The following SREBF2 variants were observed in gnomAD, a reference collection of about 807,000 sequenced individuals.
SREBF2 encodes sterol regulatory element-binding protein 2.
A neutral mutation model predicts 113.1 loss-of-function variants in SREBF2; 55 were observed. The ratio of observed to expected loss-of-function variants is 0.49; its 90% CI spans 0.39 to 0.61. The LOEUF is 0.61. SREBF2 is among the 20% of genes least tolerant of loss of function. The pLI is 0.00. For missense variants in SREBF2, 1,349 were observed against 1,487.4 expected (o/e 0.91, Z 1.53); for synonymous variants, 593 against 605.7 (o/e 0.98, Z 0.31).
intron 1 of SREBF2, among the ~76,000 whole-genome samples, chr22:41,856,928 G>A (rs778352927): frequency 3.3e-5 from 5 of 152,002 alleles, no homozygotes; most frequent in Non-Finnish European, 7.4e-5. Context: ...TTAGCTGGGC[G>A]TGGTGGCAGG....
intron 13 of SREBF2, among the ~76,000 whole-genome samples, chr22:41,896,412 T>G (rs891965021): frequency 7.9e-5 from 12 of 152,146 alleles, no homozygotes; most frequent in Admixed American, 5.2e-4. Flanking sequence ...CAGGCTGGAA[T>G]GTAGTGGTAC....
chr22:41,888,951 C>G (rs902168152), intron 11 of SREBF2, among the ~76,000 whole-genome samples: 1 of 152,158 alleles, frequency 6.6e-6, no homozygotes, highest in African/African-American at 2.4e-5. Context: ...ATATATTTAG[C>G]TACAAATGAG....
At chr22:41,849,932 A>G (rs1306303726) in intron 1 of SREBF2, among the ~76,000 whole-genome samples, 1 of 120,562 alleles carries the variant, frequency 8.3e-6, no homozygotes, top group Admixed American at 1.1e-4. Context: ...AGGTCAGGAG[A>G]TCGAGACCAT....
chr22:41,891,569 G>C lies in SREBF2; in HGVS notation c.2209-1548G>C, dbSNP rs148914810. Among the ~76,000 whole-genome samples the C allele has an allele frequency of 4.6e-5, 7 of 152,272 alleles. No individual in the cohort carries two copies. The East Asian group carries it at 1.4e-3, about 29-fold the overall frequency. On this transcript the variant is annotated intron_variant, in intron 11 of 18. Coordinates refer to ENST00000361204, the MANE Select transcript of SREBF2 (RefSeq NM_004599.4). Reference sequence around the variant, plus strand: ...GTGGCACTCTGACAGTGCTATTTCTGACCCTGGCATTCAAGTCTTCTGAAG... The same window carrying C: ...GTGGCACTCTGACAGTGCTATTTCTCACCCTGGCATTCAAGTCTTCTGAAG...
At chr22:41,868,529 C>T in intron 2 of SREBF2, 82 bp from the exon 3 acceptor site, 1 of 1,479,652 alleles carries the variant, frequency 6.8e-7, no homozygotes, top group South Asian at 1.1e-5. Flanking sequence ...TTATGAGATA[C>T]TCCATCCTCA....
At chr22:41,865,649 G>A (rs2077068059) in intron 1 of SREBF2, among the ~76,000 whole-genome samples, 1 of 152,150 alleles carries the variant, frequency 6.6e-6, no homozygotes, top group African/African-American at 2.4e-5. Flanking sequence ...GTCTCCAGGT[G>A]GACAAATCCC....
At chr22:41,845,796 G>A (rs986679520) in intron 1 of SREBF2, among the ~76,000 whole-genome samples, 8 of 152,220 alleles carry the variant, frequency 5.3e-5, no homozygotes, top group African/African-American at 1.9e-4. Context: ...GCATGCTCTA[G>A]GAATATGTGT....
At chr22:41,873,117 A>C (rs2077162208) in intron 4 of SREBF2, among the ~76,000 whole-genome samples, 1 of 152,146 alleles carries the variant, frequency 6.6e-6, no homozygotes, top group African/African-American at 2.4e-5. Flanking sequence ...GAATCACTTG[A>C]AGCTGGGAGG....
At chr22:41,890,897 G>C (rs2077354856) in intron 11 of SREBF2, among the ~76,000 whole-genome samples, 1 of 151,260 alleles carries the variant, frequency 6.6e-6, no homozygotes, top group Non-Finnish European at 1.5e-5. Context: ...GACAGAGCAA[G>C]ACTCTGTCTT....
At chr22:41,853,589 G>A (rs56208758) in intron 1 of SREBF2, among the ~76,000 whole-genome samples, 2 of 152,234 alleles carry the variant, frequency 1.3e-5, no homozygotes, top group East Asian at 1.9e-4. Context: ...TGCTTAACCC[G>A]TTGAAATCCT....
intron 9 of SREBF2, among the ~76,000 whole-genome samples, chr22:41,879,104 T>A (rs1688488505): frequency 6.6e-6 from 1 of 152,148 alleles, no homozygotes; most frequent in Non-Finnish European, 1.5e-5. Flanking sequence ...CAAGTGATCC[T>A]CTCACCTTGA....
intron 1 of SREBF2, among the ~76,000 whole-genome samples, chr22:41,864,796 A>G (rs2077060432): frequency 6.6e-6 from 1 of 152,062 alleles, no homozygotes; most frequent in Non-Finnish European, 1.5e-5. Flanking sequence ...TACAGAAAAT[A>G]CAAAAATTAG....
intron 3 of SREBF2, 105 bp downstream of exon 3, chr22:41,868,897 C>G: frequency 6.9e-7 from 1 of 1,454,692 alleles, no homozygotes; most frequent in Non-Finnish European, 9.4e-7. Flanking sequence ...AGAGTGTACA[C>G]AAAGCAGCTT....
chr22:41,866,455 C>T (rs979092866), intron 1 of SREBF2, among the ~76,000 whole-genome samples: 2 of 152,116 alleles, frequency 1.3e-5, no homozygotes, highest in South Asian at 4.1e-4. Context: ...GAGGCTGAGG[C>T]GGGAGAATCG....
At chr22:41,858,377 A>G (rs930956950) in intron 1 of SREBF2, among the ~76,000 whole-genome samples, 1 of 152,202 alleles carries the variant, frequency 6.6e-6, no homozygotes, top group African/African-American at 2.4e-5. Flanking sequence ...ATTTCACTAT[A>G]CAATGTAAAA....
intron 1 of SREBF2, among the ~76,000 whole-genome samples, chr22:41,850,693 G>A (rs2076919904): frequency 1.3e-5 from 2 of 152,062 alleles, no homozygotes; most frequent in South Asian, 4.2e-4. Flanking sequence ...GCTTATGTAG[G>A]GGGCTTTGGC....
At position 41,833,242 on chromosome 22, in the gene SREBF2, C is replaced by T. The variant is rs1002723454; in HGVS notation, c.-29C>T. 4.3e-5 allele frequency: 65 copies of T among 1,509,058 alleles called. No homozygotes were observed. The highest frequency in any genetic ancestry group is 4.8e-5 in the Non-Finnish European group (54 of 1,128,640). The allele number at this position is 1,509,058 out of a possible 1,614,324, so 93.5% of individuals were successfully genotyped here. On this transcript the variant is annotated 5_prime_UTR_variant, in exon 1 of 19. Coordinates refer to ENST00000361204, the MANE Select transcript of SREBF2 (RefSeq NM_004599.4). This position sits in a 1 kb window ranked among gnomAD's most constrained non-coding sequence, Gnocchi z 4.1. Reference sequence around the variant, plus strand: ...CCCCGCGTCTCCCTGAGCGGGACGGCAGGGGGGGCTTCTGCGCTGAGCCGG... The same window carrying T: ...CCCCGCGTCTCCCTGAGCGGGACGGTAGGGGGGGCTTCTGCGCTGAGCCGG...
rs1373467967 is a variant in SREBF2 at position 41,868,639 on chromosome 22, G to A, written c.567G>A (p.Val189=). Residue 189 remains valine (V), a synonymous_variant, in exon 3 of 19, where the codon GTG becomes GTA. Coordinates refer to ENST00000361204, the MANE Select transcript of SREBF2 (RefSeq NM_004599.4). ...QVLQPQVQSL[V]TSSQVQPVTI... ...TTCAGCCTCAAGTCCAAAGCCTGGT[G>A]ACATCCTCCCAGGTACAGCCGGTCA... 1 of 1,614,180 alleles carries A rather than the reference G, an allele frequency of 6.2e-7. No homozygotes were observed. The highest frequency in any genetic ancestry group is 1.3e-5 in the African/African-American group (1 of 75,038).
rs75155466 is a variant in SREBF2 at position 41,842,715 on chromosome 22, C to G, written c.88+9357C>G. ...TAGGTAAAACATAAGAGGGGCTGGT[C>G]ACAGTGGCTCATGCCTATAATCCCA... On this transcript the variant is annotated intron_variant, in intron 1 of 18. Coordinates refer to ENST00000361204, the MANE Select transcript of SREBF2 (RefSeq NM_004599.4). Among the ~76,000 whole-genome samples the G allele has an allele frequency of 6.2e-4, 95 of 152,272 alleles. 2 individuals are homozygous for G. The East Asian group carries it at 0.018, about 28-fold the overall frequency.
Sources: gnomAD v4.1 joint callset for allele counts (sites outside exome capture counted in the v4.1 genomes callset) on GRCh38, gnomAD v4.1.1 for gene constraint, Gnocchi (gnomAD v3.1) non-coding constraint, MANE v1.5 for transcripts, NCBI Gene and HGNC (gene_info 2026-07-23, HGNC 2026-07-21) for gene names.